UNC13C: variants seen among roughly 807,000 people sequenced by gnomAD.
UNC13C encodes the protein unc-13 homolog C.
A neutral mutation model predicts 245.4 loss-of-function variants in UNC13C; 174 were observed. The ratio of observed to expected loss-of-function variants is 0.71; its 90% CI spans 0.63 to 0.80. The LOEUF (loss-of-function observed/expected upper bound fraction) is 0.80. Ranked by LOEUF, UNC13C falls within the 30% of genes least tolerant of loss-of-function variation. UNC13C has a pLI of 0.00. For synonymous variants in UNC13C, 992 were observed against 895.1 expected (o/e 1.11, Z -1.93); for missense variants, 2,829 against 2,602.9 (o/e 1.09, Z -1.89).
At chr15:54,505,299 T>C (rs1471736979) in intron 22 of UNC13C, among the ~76,000 whole-genome samples, 1 of 152,198 alleles carries the variant, frequency 6.6e-6, no homozygotes, top group Non-Finnish European at 1.5e-5. Flanking sequence ...ATCACAGCTT[T>C]TCTCTGAAGA....
chr15:54,210,589 T>C (rs553742505), intron 4 of UNC13C, among the ~76,000 whole-genome samples: 3 of 152,132 alleles, frequency 2.0e-5, no homozygotes, highest in African/African-American at 7.2e-5. Context: ...TCTCTTTATA[T>C]GTTTATATGT....
At chr15:54,136,122 A>G (rs1470679719) in intron 2 of UNC13C, among the ~76,000 whole-genome samples, 1 of 152,110 alleles carries the variant, frequency 6.6e-6, no homozygotes, top group African/African-American at 2.4e-5. Context: ...ACATTTTGAT[A>G]TAGTAAATTT....
chr15:54,618,700 ATAACACACAT>A (rs1382085703), intron 30 of UNC13C, among the ~76,000 whole-genome samples: 4 of 152,176 alleles, frequency 2.6e-5, no homozygotes, highest in African/African-American at 9.6e-5. Flanking sequence ...GTGGCACAAT[ATAACACACAT>A]GTAACTCACA....
the UNC13C span, among the ~76,000 whole-genome samples, chr15:53,934,321 C>T: frequency 6.6e-6 from 1 of 152,228 alleles, no homozygotes; most frequent in African/African-American, 2.4e-5. Context: ...TCACACCTCA[C>T]TGCATTTCCT....
intron 2 of UNC13C, among the ~76,000 whole-genome samples, chr15:54,017,734 A>G (rs1566953665): frequency 6.6e-6 from 1 of 152,204 alleles, no homozygotes; most frequent in African/African-American, 2.4e-5. Flanking sequence ...TTAGTCATCC[A>G]GTGAGTGGCA....
At chr15:54,446,610 A>G (rs138568723) in intron 19 of UNC13C, among the ~76,000 whole-genome samples, 1,622 of 152,204 alleles carry the variant, frequency 0.011, 30 homozygotes, top group African/African-American at 0.038. Context: ...TTGGTGTATA[A>G]GAATGCTTGT....
chr15:54,190,229 TA>T (rs1416154498), intron 4 of UNC13C, among the ~76,000 whole-genome samples: 1 of 152,146 alleles, frequency 6.6e-6, no homozygotes, highest in African/African-American at 2.4e-5. Flanking sequence ...AAGCCAAGAC[TA>T]AAAAACTCAG....
intron 18 of UNC13C, among the ~76,000 whole-genome samples, chr15:54,407,293 G>A (rs752919892): frequency 1.3e-4 from 20 of 152,138 alleles, no homozygotes; most frequent in Non-Finnish European, 1.9e-4. Flanking sequence ...ACAGGGAAGA[G>A]AGAGGCAAAT....
chr15:54,544,347 A>G (rs1896389695), intron 26 of UNC13C, among the ~76,000 whole-genome samples: 1 of 152,224 alleles, frequency 6.6e-6, no homozygotes, highest in Non-Finnish European at 1.5e-5. Flanking sequence ...ATCATACTGA[A>G]TGGGCAAAAG....
chr15:54,188,365 T>C (rs1021818764), intron 4 of UNC13C, among the ~76,000 whole-genome samples: 1 of 152,162 alleles, frequency 6.6e-6, no homozygotes, highest in Non-Finnish European at 1.5e-5. Flanking sequence ...GTGGAACACA[T>C]ATGCTGGCAA....
chr15:53,899,485 C>G, the UNC13C span, among the ~76,000 whole-genome samples: 1 of 152,252 alleles, frequency 6.6e-6, no homozygotes, highest in African/African-American at 2.4e-5. Context: ...CCAAACTTCT[C>G]TTCCTGAATT....
Position 54,268,030 on chromosome 15 carries a change from G to A in UNC13C, c.3818+2534G>A, listed in dbSNP as rs182703392. ...GTTACATAGGTATACATGTTCCATG[G>A]TGGTTTGCTGCACCTATCAACCCAT... On this transcript the variant is annotated intron_variant, in intron 10 of 32. Transcript: ENST00000260323. Among the ~76,000 whole-genome samples, 38 of 151,890 alleles carry A rather than the reference G, an allele frequency of 2.5e-4. No individual in the cohort carries two copies. The East Asian group carries it at 6.6e-3, about 26-fold the overall frequency.
chr15:54,015,827 C>A lies in UNC13C; in HGVS notation c.2924C>A (p.Ala975Glu), dbSNP rs1290451720. 6.2e-7 allele frequency: 1 copy of A among 1,610,646 alleles called. No individual in the cohort carries two copies. The highest frequency in any genetic ancestry group is 8.5e-7 in the Non-Finnish European group (1 of 1,178,332). The change falls in exon 2 of 33, where the codon GCA (alanine) becomes GAA (glutamate). Residue 975 changes from alanine to glutamate, a missense_variant. By Grantham distance (107) the Ala-to-Glu change is moderately radical (BLOSUM62 -1). Transcript: ENST00000260323. ...PKRIRPSFKEAALRAYKKQMA... is the reference protein window; with the variant it reads ...PKRIRPSFKEEALRAYKKQMA... ...AGAATTCGTCCTTCTTTCAAAGAAG[C>A]AGCTTTAAGGGCCTATAAAAAGCAA...
chr15:54,026,962 G>C (rs75464166), intron 2 of UNC13C, among the ~76,000 whole-genome samples: 1 of 152,098 alleles, frequency 6.6e-6, no homozygotes, highest in East Asian at 1.9e-4. Context: ...TTTGATAATG[G>C]CTGTAGAAGA....
intron 13 of UNC13C, among the ~76,000 whole-genome samples, chr15:54,316,188 T>G (rs1382781196): frequency 1.3e-5 from 2 of 151,904 alleles, no homozygotes; most frequent in Admixed American, 6.6e-5. Flanking sequence ...TAGATCCAAC[T>G]TACCTAACAT....
intron 4 of UNC13C, 88 bp from the exon 5 acceptor site, chr15:54,234,942 C>A: frequency 8.5e-7 from 1 of 1,172,964 alleles, no homozygotes; most frequent in Non-Finnish European, 1.2e-6. Context: ...TCATCTTTTT[C>A]ACAGACTTTA....
chr15:54,234,487 T>G (rs761860127), intron 4 of UNC13C, among the ~76,000 whole-genome samples: 3 of 152,194 alleles, frequency 2.0e-5, no homozygotes, highest in Non-Finnish European at 4.4e-5. Context: ...TTTAATTCTG[T>G]GCATTTACCT....
intron 2 of UNC13C, among the ~76,000 whole-genome samples, chr15:54,107,248 T>A (rs568599836): frequency 6.6e-6 from 1 of 152,226 alleles, no homozygotes; most frequent in South Asian, 2.1e-4. Flanking sequence ...ATAATTGAGC[T>A]AAATACAGCT....
intron 5 of UNC13C, among the ~76,000 whole-genome samples, chr15:54,235,383 C>T (rs999746709): frequency 6.6e-6 from 1 of 152,108 alleles, no homozygotes; most frequent in Non-Finnish European, 1.5e-5. Flanking sequence ...AATCACACAG[C>T]ATACCAAGCA....
Sources: allele counts gnomAD v4.1 joint callset (sites outside exome capture counted in the v4.1 genomes callset), GRCh38; gene constraint gnomAD v4.1.1; transcripts MANE v1.5; gene names NCBI Gene and HGNC (gene_info 2026-07-23, HGNC 2026-07-21).